The following TNNI3K variants were observed in gnomAD, a reference collection of about 807,000 sequenced individuals.
The protein encoded by TNNI3K is serine/threonine-protein kinase TNNI3K.
Under a neutral mutation model 114.5 loss-of-function variants are expected in TNNI3K, and 140 were observed. The observed-to-expected ratio is 1.22, with a 90% CI of 1.07 to 1.41. The LOEUF is 1.41. TNNI3K is among the 40% of genes most tolerant of loss of function. TNNI3K has a pLI of 0.00. For synonymous variants in TNNI3K, 347 were observed against 347.5 expected, an observed-to-expected ratio of 1.00 and a Z score of 0.02; for missense variants, 1,125 against 1,007.6, an observed-to-expected ratio of 1.12 and a Z score of -1.58.
At chr1:74,524,459 A>G (rs1025846874) in intron 23 of TNNI3K, among the ~76,000 whole-genome samples, 14 of 152,304 alleles carry the variant, frequency 9.2e-5, no homozygotes, top group Non-Finnish European at 2.1e-4. Flanking sequence ...ACTGGTGACT[A>G]ACTGTGGAAT....
At chr1:74,239,560 C>G (rs1313933492) in intron 2 of TNNI3K, among the ~76,000 whole-genome samples, 1 of 152,056 alleles carries the variant, frequency 6.6e-6, no homozygotes, top group Non-Finnish European at 1.5e-5. Flanking sequence ...AGCAAGGAGA[C>G]TGTATACAAT....
intron 5 of TNNI3K, among the ~76,000 whole-genome samples, chr1:74,283,390 C>A (rs762117612): frequency 1.5e-4 from 23 of 152,260 alleles, no homozygotes; most frequent in Non-Finnish European, 2.6e-4. Flanking sequence ...CAGAGCAATT[C>A]TTTAAACATG....
chr1:74,311,091 T>C (rs1658967361), intron 5 of TNNI3K, among the ~76,000 whole-genome samples: 1 of 152,048 alleles, frequency 6.6e-6, no homozygotes, highest in Admixed American at 6.6e-5. Flanking sequence ...ATAGATTCAT[T>C]TTTTGTTTTT....
In TNNI3K at chr1:74,406,373, T is replaced by C. The variant is rs1341725237; in HGVS notation, c.1773-29707T>C. 2.0e-5 allele frequency among the ~76,000 whole-genome samples: 3 copies of C among 152,342 alleles called. No individual in the cohort carries two copies. In the East Asian group the frequency reaches 5.8e-4, roughly 29 times the overall value. ...ATCATTAGTGTTAGTGTATTTTATA[T>C]GTGGCCCAAGACAATTCTTCTTCCA... On this transcript the variant is annotated intron_variant, in intron 17 of 24. Transcript: ENST00000326637.
chr1:74,445,527 A>G (rs1443422051), intron 20 of TNNI3K, among the ~76,000 whole-genome samples: 1 of 150,118 alleles, frequency 6.7e-6, no homozygotes, highest in Admixed American at 6.6e-5. Flanking sequence ...AATTTCATCC[A>G]TGTCCCTACA....
At chr1:74,259,136 A>G (rs1655515230) in intron 4 of TNNI3K, among the ~76,000 whole-genome samples, 1 of 152,202 alleles carries the variant, frequency 6.6e-6, no homozygotes, top group African/African-American at 2.4e-5. Flanking sequence ...CTATCTATCT[A>G]TCTATCTATC....
intron 17 of TNNI3K, among the ~76,000 whole-genome samples, chr1:74,392,440 C>G (rs1025708907): frequency 2.0e-5 from 3 of 152,316 alleles, no homozygotes; most frequent in Admixed American, 6.5e-5. Context: ...AACTCCTCGT[C>G]TCTGACTCCT....
chr1:74,495,657 C>T (rs1669292319), intron 23 of TNNI3K, among the ~76,000 whole-genome samples: 1 of 152,080 alleles, frequency 6.6e-6, no homozygotes, highest in African/African-American at 2.4e-5. Flanking sequence ...AACTGAGGCT[C>T]ATAGAAAAGG....
At chr1:74,331,337 G>A in intron 5 of TNNI3K, 113 bp from the exon 6 acceptor site, 2 of 1,024,350 alleles carry the variant, frequency 2.0e-6, no homozygotes, top group African/African-American at 3.2e-5. Context: ...GAAGAAAGTT[G>A]TGTTTTAGGG....
At chr1:74,250,580 C>A in intron 3 of TNNI3K, 92 bp from the exon 4 acceptor site, 2 of 1,159,340 alleles carry the variant, frequency 1.7e-6, no homozygotes, top group Non-Finnish European at 2.3e-6. Flanking sequence ...CATTTTTATA[C>A]AGCTGTATGG....
At chr1:74,364,706 G>C (rs148858897) in intron 11 of TNNI3K, among the ~76,000 whole-genome samples, 3 of 151,934 alleles carry the variant, frequency 2.0e-5, no homozygotes, top group East Asian at 3.9e-4. Flanking sequence ...TATGGAAAAG[G>C]GGGGCAGAAG....
At chr1:74,358,684 G>T (rs917631108) in intron 11 of TNNI3K, among the ~76,000 whole-genome samples, 2 of 151,826 alleles carry the variant, frequency 1.3e-5, no homozygotes, top group Non-Finnish European at 2.9e-5. Flanking sequence ...GAGTGGATTG[G>T]GGTAAGGAAT....
At chr1:74,346,045 A>G (rs1181536689) in intron 9 of TNNI3K, 1 of 152,192 alleles carries the variant, frequency 6.6e-6, no homozygotes, top group South Asian at 2.1e-4. Flanking sequence ...GTCCTCTACA[A>G]TTTGTAATGT....
intron 9 of TNNI3K, among the ~76,000 whole-genome samples, chr1:74,348,506 T>G (rs2100460720): frequency 6.6e-6 from 1 of 152,328 alleles, no homozygotes; most frequent in Non-Finnish European, 1.5e-5. Context: ...CATAAGAACT[T>G]TAAAGTAGTT....
At chr1:74,466,925 G>C (rs572108745) in intron 21 of TNNI3K, among the ~76,000 whole-genome samples, 29 of 152,282 alleles carry the variant, frequency 1.9e-4, no homozygotes, top group African/African-American at 5.3e-4. Flanking sequence ...TATGGAGATT[G>C]ATTGAATAAA....
At chr1:74,353,239 T>G in intron 9 of TNNI3K, 27 bp from the exon 10 acceptor site, 2 of 1,603,528 alleles carry the variant, frequency 1.2e-6, no homozygotes, top group Non-Finnish European at 1.7e-6. Flanking sequence ...CCTTCTATCT[T>G]TCTTGTTTTA....
At chr1:74,479,992 G>A (rs531728784) in intron 21 of TNNI3K, among the ~76,000 whole-genome samples, 2 of 152,304 alleles carry the variant, frequency 1.3e-5, no homozygotes, top group African/African-American at 4.8e-5. Context: ...GGAAATTCTT[G>A]CAACCTGTGC....
At chr1:74,513,671 TCA>T in intron 23 of TNNI3K, among the ~76,000 whole-genome samples, 1 of 152,342 alleles carries the variant, frequency 6.6e-6, no homozygotes, top group African/African-American at 2.4e-5. Flanking sequence ...CCTTTTTGTT[TCA>T]GAGTTTCATG....
intron 5 of TNNI3K, among the ~76,000 whole-genome samples, chr1:74,325,855 A>G (rs1007893373): frequency 2.6e-5 from 4 of 152,196 alleles, no homozygotes; most frequent in African/African-American, 7.2e-5. Context: ...CTTTCATGCT[A>G]ATGTCTTTAG....
Sources: allele counts gnomAD v4.1 joint callset (sites outside exome capture counted in the v4.1 genomes callset), GRCh38; gene constraint gnomAD v4.1.1; transcripts MANE v1.5; gene names NCBI Gene and HGNC (gene_info 2026-07-23, HGNC 2026-07-21).